DPP10: variants seen among roughly 807,000 people sequenced by gnomAD.
DPP10 encodes the protein dipeptidyl peptidase like 10, also known as inactive dipeptidyl peptidase 10.
DPP10 carries 33 observed loss-of-function variants against 120.9 expected under a neutral mutation model. The ratio of observed to expected loss-of-function variants is 0.27; its 90% CI spans 0.21 to 0.37. The LOEUF is 0.37. DPP10 is among the 10% of genes least tolerant of loss of function. DPP10 has a pLI of 1.00. For synonymous variants in DPP10, 337 were observed against 326.1 expected (o/e 1.03, Z -0.36); for missense variants, 816 against 942.8 (o/e 0.87, Z 1.76).
intron 1 of DPP10, among the ~76,000 whole-genome samples, chr2:114,485,460 C>T (rs1248763473): frequency 7.3e-6 from 1 of 137,290 alleles, no homozygotes; most frequent in Non-Finnish European, 1.5e-5. Context: ...TCAGGAAAAA[C>T]TGTTTTTTTT....
intron 1 of DPP10, among the ~76,000 whole-genome samples, chr2:115,055,716 G>A (rs944709559): frequency 1.3e-5 from 2 of 152,158 alleles, no homozygotes; most frequent in Admixed American, 6.5e-5. Flanking sequence ...TCATTTGTCT[G>A]CCACCCAGTT....
intron 1 of DPP10, among the ~76,000 whole-genome samples, chr2:114,738,816 C>T (rs190538273): frequency 1.4e-4 from 22 of 152,232 alleles, no homozygotes; most frequent in Non-Finnish European, 2.2e-4. Context: ...AGACCTAAAG[C>T]GCTTGTGGTA....
chr2:115,158,675 T>C (rs1023817444), intron 1 of DPP10, among the ~76,000 whole-genome samples: 2 of 152,228 alleles, frequency 1.3e-5, no homozygotes, highest in African/African-American at 2.4e-5. Context: ...TTTCTTCCCA[T>C]GAAAAGTGTA....
intron 1 of DPP10, among the ~76,000 whole-genome samples, chr2:114,581,173 C>CTTTTTTTTTTTTTTTTT (rs70937291): frequency 2.6e-5 from 2 of 77,892 alleles, no homozygotes; most frequent in African/African-American, 5.1e-5. Flanking sequence ...TTTTTCTTCT[C>CTTTTTTTTTTTTTTTTT]TTTTTTTTTT....
chr2:115,489,846 T>G (rs186178210), intron 3 of DPP10, among the ~76,000 whole-genome samples: 130 of 152,236 alleles, frequency 8.5e-4, no homozygotes, highest in African/African-American at 2.9e-3. Flanking sequence ...TAGGGGAGAT[T>G]AGCTGACAGT....
At position 115,842,471 on chromosome 2, in the gene DPP10, G is replaced by T. The variant is rs10171969; in HGVS notation, c.*126G>T. 1.2e-5 allele frequency: 13 copies of T among 1,113,778 alleles called. No individual in the cohort carries two copies. Among genetic ancestry groups the T allele is most frequent in the Middle Eastern group, 2.9e-4 (1 of 3,478 alleles). 69.0% of individuals were successfully genotyped at this position (1,113,778 alleles called of 1,614,324 possible). ...TACGGAGATGTCACTGGAGCAGCACGCTCAGAGACAGTGAACTAGCATTTG... is the reference window on the plus strand; with the variant it reads ...TACGGAGATGTCACTGGAGCAGCACTCTCAGAGACAGTGAACTAGCATTTG... On this transcript the variant is annotated 3_prime_UTR_variant, in exon 26 of 26. Coordinates refer to ENST00000410059, the MANE Select transcript of DPP10 (RefSeq NM_020868.6).
intron 3 of DPP10, among the ~76,000 whole-genome samples, chr2:115,394,851 G>C (rs925629838): frequency 2.0e-5 from 3 of 152,068 alleles, no homozygotes; most frequent in East Asian, 3.9e-4. Context: ...TCCATACATA[G>C]TTACTGTGTT....
chr2:115,645,311 A>G (rs2087144647), intron 5 of DPP10, among the ~76,000 whole-genome samples: 1 of 152,118 alleles, frequency 6.6e-6, no homozygotes, highest in South Asian at 2.1e-4. Flanking sequence ...TGATATAGAG[A>G]TAGTAATTTT....
intron 1 of DPP10, among the ~76,000 whole-genome samples, chr2:114,984,826 C>A (rs572414221): frequency 6.6e-5 from 10 of 152,210 alleles, no homozygotes; most frequent in African/African-American, 2.4e-4. Flanking sequence ...TTGCCATTGC[C>A]ATGACTCCTG....
At chr2:115,746,048 C>A in intron 9 of DPP10, 38 bp from the exon 10 acceptor site, 1 of 1,420,342 alleles carries the variant, frequency 7.0e-7, no homozygotes, top group Non-Finnish European at 9.8e-7. Context: ...TATTCTAATG[C>A]TTAATGTACT....
chr2:114,673,380 C>T (rs1029314428), intron 1 of DPP10, among the ~76,000 whole-genome samples: 1 of 152,114 alleles, frequency 6.6e-6, no homozygotes, highest in Admixed American at 6.6e-5. Flanking sequence ...CTACTCAGAT[C>T]TCATCCAACA....
chr2:114,758,086 G>T (rs1458832762), intron 1 of DPP10, among the ~76,000 whole-genome samples: 1 of 152,178 alleles, frequency 6.6e-6, no homozygotes, highest in East Asian at 1.9e-4. Flanking sequence ...TGAACTTCAA[G>T]AGGAATTATT....
At chr2:115,106,013 T>C (rs1302744718) in intron 1 of DPP10, among the ~76,000 whole-genome samples, 1 of 152,246 alleles carries the variant, frequency 6.6e-6, no homozygotes, top group Non-Finnish European at 1.5e-5. Context: ...GATTAACTTC[T>C]GATGTAACCC....
At chr2:114,816,977 C>T (rs1253678326) in intron 1 of DPP10, among the ~76,000 whole-genome samples, 1 of 152,094 alleles carries the variant, frequency 6.6e-6, no homozygotes, top group Non-Finnish European at 1.5e-5. Context: ...GTTAATATCT[C>T]ACTATTTTCT....
chr2:115,762,121 A>G (rs1045926055), intron 11 of DPP10, among the ~76,000 whole-genome samples: 7 of 152,316 alleles, frequency 4.6e-5, no homozygotes, highest in African/African-American at 1.7e-4. Context: ...ATAAGAAAAA[A>G]AGAAGGCCAT....
At chr2:115,031,338 T>C (rs1341993262) in intron 1 of DPP10, among the ~76,000 whole-genome samples, 3 of 152,234 alleles carry the variant, frequency 2.0e-5, no homozygotes, top group Non-Finnish European at 4.4e-5. Flanking sequence ...TCAATCTTTA[T>C]TGATAGCTAA....
At chr2:114,523,654 G>A (rs1362598923) in intron 1 of DPP10, among the ~76,000 whole-genome samples, 2 of 152,192 alleles carry the variant, frequency 1.3e-5, no homozygotes. Context: ...TTTTTTTAAG[G>A]AGAGGAAATG....
At chr2:115,068,850 T>C (rs2105441282) in intron 1 of DPP10, among the ~76,000 whole-genome samples, 1 of 152,316 alleles carries the variant, frequency 6.6e-6, no homozygotes, top group African/African-American at 2.4e-5. Context: ...TCTTGTCATC[T>C]TTGTCGAAGA....
chr2:115,042,376 C>T (rs1704720376), intron 1 of DPP10, among the ~76,000 whole-genome samples: 1 of 152,018 alleles, frequency 6.6e-6, no homozygotes, highest in South Asian at 2.1e-4. Context: ...AAGTGAGTTT[C>T]GTGCCACAGC....
Sources: allele counts gnomAD v4.1 joint callset (sites outside exome capture counted in the v4.1 genomes callset), GRCh38; gene constraint gnomAD v4.1.1; transcripts MANE v1.5; gene names NCBI Gene and HGNC (gene_info 2026-07-23, HGNC 2026-07-21).